The following TEX14 variants were observed in gnomAD, a reference collection of about 807,000 sequenced individuals.
The protein encoded by TEX14 is testis expressed 14, intercellular bridge forming factor, also known as inactive serine/threonine-protein kinase TEX14.
In TEX14, 168 loss-of-function variants were observed where a neutral mutation model predicts 178.6. The ratio of observed to expected loss-of-function variants is 0.94; its 90% CI spans 0.83 to 1.07. The LOEUF is 1.07. Among genes scored for constraint, TEX14 ranks in the 50% least tolerant of loss-of-function variants. The pLI is 0.00. For synonymous variants in TEX14, 626 were observed against 634.1 expected, an observed-to-expected ratio of 0.99 and a Z score of 0.19; for missense variants, 1,730 against 1,753.6, an observed-to-expected ratio of 0.99 and a Z score of 0.24.
intron 1 of TEX14, among the ~76,000 whole-genome samples, chr17:58,690,463 G>C (rs1303233796): frequency 6.6e-6 from 1 of 152,162 alleles, no homozygotes; most frequent in Non-Finnish European, 1.5e-5. Context: ...ACTGTGCCAG[G>C]CCAAAGTAGT....
At chr17:58,664,181 G>A (rs534328391) in intron 1 of TEX14, among the ~76,000 whole-genome samples, 1 of 152,286 alleles carries the variant, frequency 6.6e-6, no homozygotes, top group Admixed American at 6.5e-5. Flanking sequence ...TCTCATTATT[G>A]AACTACCTTC....
chr17:58,652,036 C>T lies in TEX14; in HGVS notation c.-1-34G>A, dbSNP rs1180587136. On this transcript the variant is annotated intron_variant, in intron 1 of 31. Transcript: ENST00000349033. ...AAAGAGAGCAATATGCTTATTTTAA[C>T]TGAACCAGAAATGCAAGGAAACAAC... 2.0e-6 allele frequency: 3 copies of T among 1,469,720 alleles called. No individual in the cohort carries two copies. In the East Asian group the frequency reaches 7.4e-5, roughly 36 times the overall value. The allele number at this position is 1,469,720 out of a possible 1,614,324, so 91.0% of individuals were successfully genotyped here. A position where few individuals can be genotyped will look rare whatever the true frequency, so the allele number is the denominator to read the frequency against.
chr17:58,584,921 A>G (rs1009648522), intron 18 of TEX14, among the ~76,000 whole-genome samples: 2 of 152,246 alleles, frequency 1.3e-5, no homozygotes, highest in African/African-American at 2.4e-5. Context: ...CTTATAAACA[A>G]CTGTGAAACA....
rs184705283 is a variant in TEX14 at position 58,593,402 on chromosome 17, T to C, written c.2576+153A>G. ...GTTCCCATGACACTGCTCTTCCTAC[T>C]CACTCAGTGGGAGAACCTGCCAATC... On this transcript the variant is annotated intron_variant, in intron 15 of 31. Transcript: ENST00000349033. 4.1e-4 allele frequency among the ~76,000 whole-genome samples: 63 copies of C among 152,340 alleles called. 1 individual carries two copies. In the South Asian group the frequency reaches 6.4e-3, roughly 16 times the overall value.
At chr17:58,659,355 T>C (rs1190889964) in intron 1 of TEX14, 24 of 982,254 alleles carry the variant, frequency 2.4e-5, no homozygotes, top group East Asian at 2.3e-4. Flanking sequence ...ACACACAACA[T>C]ACTCATGGCA....
chr17:58,606,291 T>C (rs182873192), intron 10 of TEX14, among the ~76,000 whole-genome samples: 3 of 152,302 alleles, frequency 2.0e-5, no homozygotes, highest in Admixed American at 1.3e-4. Flanking sequence ...CGGTGAGCCA[T>C]AAAGCGCTCT....
chr17:58,574,701 A>AAG (rs2044634522), intron 21 of TEX14, among the ~76,000 whole-genome samples: 1 of 149,760 alleles, frequency 6.7e-6, no homozygotes, highest in Admixed American at 6.7e-5. Flanking sequence ...AAAAAAAAAA[A>AAG]GTGTGAGTTC....
chr17:58,612,076 A>C (rs1318102836), intron 9 of TEX14, among the ~76,000 whole-genome samples: 1 of 152,154 alleles, frequency 6.6e-6, no homozygotes, highest in Non-Finnish European at 1.5e-5. Flanking sequence ...TCTCAGGCCA[A>C]AGCACCCTTT....
chr17:58,664,747 CTA>C (rs1408343269), intron 1 of TEX14, among the ~76,000 whole-genome samples: 2 of 152,178 alleles, frequency 1.3e-5, no homozygotes, highest in Non-Finnish European at 2.9e-5. Flanking sequence ...GTTAAAAATG[CTA>C]TCTTATGACT....
At chr17:58,691,312 G>A (rs944882724) in intron 1 of TEX14, among the ~76,000 whole-genome samples, 1 of 152,026 alleles carries the variant, frequency 6.6e-6, no homozygotes, top group South Asian at 2.1e-4. Context: ...GTATGTAGAG[G>A]GCTCTGATTT....
chr17:58,617,676 A>C (rs2045904641), intron 5 of TEX14, 57 bp from the exon 6 acceptor site: 3 of 1,274,614 alleles, frequency 2.4e-6, no homozygotes, highest in African/African-American at 1.5e-5. Flanking sequence ...TATCCAGAAT[A>C]ATAATGCTGA....
chr17:58,599,447 T>G lies in TEX14; in HGVS notation c.1898A>C (p.Glu633Ala). The G allele has an allele frequency of 6.2e-7, 1 of 1,614,168 alleles. No individual in the cohort carries two copies. The highest frequency in any genetic ancestry group is 8.5e-7 in the Non-Finnish European group (1 of 1,180,024). ...NEIYSGCLIL[E>A]DDIEEPPGAA... ...TCCTGGAGGCTCTTCTATGTCATCTTCCAAAATCAAGCAGCCTGAGTAGAT... is the reference window on the plus strand; with the variant it reads ...TCCTGGAGGCTCTTCTATGTCATCTGCCAAAATCAAGCAGCCTGAGTAGAT... Residue 633 changes from glutamate to alanine, a missense_variant, in exon 14 of 32, where the codon GAA (glutamate) becomes GCA (alanine). Around this residue, in one of 2 missense-constraint regions of TEX14, gnomAD observed 941 missense variants for 1,072.4 expected, o/e 0.88. Transcript: ENST00000349033.
At chr17:58,659,472 C>T (rs2047062073) in intron 1 of TEX14, 2 of 252,052 alleles carry the variant, frequency 7.9e-6, no homozygotes, top group Admixed American at 6.5e-5. Context: ...ATTTCTCCCG[C>T]GAAGAACGCA....
intron 21 of TEX14, among the ~76,000 whole-genome samples, chr17:58,575,184 A>G (rs928979617): frequency 1.4e-5 from 2 of 146,044 alleles, no homozygotes; most frequent in Non-Finnish European, 3.0e-5. Flanking sequence ...GCGCGATCTC[A>G]GCTCACTGCA....
chr17:58,637,247 A>C (rs1410679799), intron 2 of TEX14, among the ~76,000 whole-genome samples: 5 of 152,184 alleles, frequency 3.3e-5, no homozygotes, highest in Non-Finnish European at 7.3e-5. Flanking sequence ...AAAACAACAA[A>C]AAAACAAGAA....
Position 58,569,238 on chromosome 17 carries a change from G to A in TEX14, c.3840C>T (p.His1280=), listed in dbSNP as rs543553332. The part of the protein sequence containing the change: ...LPKVEAFSQH[H]IDELPPPSQE... ...GAGATGGTGGTGGCAGCTCATCAAT[G>A]TGATGCTGTGAGAAGGCTTCTACTA... is the stretch of plus-strand genomic sequence containing the variant. The change falls in exon 26 of 32, where the codon CAC becomes CAT. Residue 1280 remains histidine, a synonymous_variant. Coordinates refer to ENST00000349033, the MANE Select transcript of TEX14 (RefSeq NM_031272.5). This position sits in a 1 kb window ranked among gnomAD's most constrained non-coding sequence, Gnocchi z 4.1. The A allele has an allele frequency of 2.5e-6, 4 of 1,614,072 alleles. No individual in the cohort carries two copies. Among genetic ancestry groups the A allele is most frequent in the South Asian group, 1.1e-5 (1 of 91,074 alleles).
intron 24 of TEX14, among the ~76,000 whole-genome samples, chr17:58,571,383 A>G (rs2044524863): frequency 6.6e-6 from 1 of 151,618 alleles, no homozygotes. Context: ...CTACAGGCAC[A>G]TGGCACCATG....
intron 29 of TEX14, among the ~76,000 whole-genome samples, chr17:58,560,676 T>C (rs1487382221): frequency 1.3e-5 from 2 of 149,802 alleles, no homozygotes; most frequent in Non-Finnish European, 2.9e-5. Flanking sequence ...AGGCTGAGCC[T>C]CTCAGCTCCT....
At chr17:58,573,605 G>A (rs998337626) in intron 22 of TEX14, among the ~76,000 whole-genome samples, 5 of 152,164 alleles carry the variant, frequency 3.3e-5, no homozygotes, top group East Asian at 3.9e-4. Context: ...TGCAACCTCC[G>A]CCTCCCGGGT....
Sources: gnomAD v4.1 joint callset for allele counts (sites outside exome capture counted in the v4.1 genomes callset) on GRCh38, gnomAD v4.1.1 for gene constraint, gnomAD v4.1.1 regional missense constraint, Gnocchi (gnomAD v3.1) non-coding constraint, MANE v1.5 for transcripts, NCBI Gene and HGNC (gene_info 2026-07-23, HGNC 2026-07-21) for gene names.